The following HKDC1 variants were observed in gnomAD, a reference collection of about 807,000 sequenced individuals.
HKDC1 encodes the protein hexokinase domain containing 1.
In HKDC1, 66 loss-of-function variants were observed where a neutral mutation model predicts 96.6. That is an observed-to-expected ratio of 0.68 (90% confidence interval 0.56 to 0.84). The LOEUF (loss-of-function observed/expected upper bound fraction) is 0.84. Ranked by LOEUF, HKDC1 falls within the 40% of genes least tolerant of loss-of-function variation. HKDC1 has a pLI of 0.00. For synonymous variants in HKDC1, 466 were observed against 473.1 expected, an observed-to-expected ratio of 0.98 and a Z score of 0.20; for missense variants, 1,211 against 1,208.1, an observed-to-expected ratio of 1.00 and a Z score of -0.04.
chr10:69,246,970 G>T (rs1843550900), intron 8 of HKDC1, among the ~76,000 whole-genome samples: 1 of 152,234 alleles, frequency 6.6e-6, no homozygotes, highest in South Asian at 2.1e-4. Context: ...ATAGCACAGG[G>T]TGATTAAAAG....
chr10:69,259,948 A>G (rs1184943842), intron 15 of HKDC1, among the ~76,000 whole-genome samples: 1 of 152,218 alleles, frequency 6.6e-6, no homozygotes, highest in Non-Finnish European at 1.5e-5. Flanking sequence ...ATCATATCAC[A>G]TGCTAAAATT....
At position 69,232,939 on chromosome 10, in the gene HKDC1, G is replaced by A. The variant is rs531218517; in HGVS notation, c.375+27G>A. 25 of 1,611,948 alleles carry A rather than the reference G, an allele frequency of 1.6e-5. No individual in the cohort carries two copies. In the South Asian group the frequency reaches 2.2e-4, roughly 14 times the overall value. ...TACCTGGCAGGTGGCTCCTGTGACC[G>A]CAGGGAAGGCGGTGGCATCCGTGTG... On this transcript the variant is annotated intron_variant, in intron 3 of 17. Coordinates refer to ENST00000354624, the MANE Select transcript of HKDC1 (RefSeq NM_025130.4).
intron 10 of HKDC1, among the ~76,000 whole-genome samples, chr10:69,249,791 G>A (rs934079355): frequency 3.9e-5 from 6 of 152,162 alleles, no homozygotes; most frequent in Non-Finnish European, 7.4e-5. Flanking sequence ...GAGCCACCGC[G>A]CCAGACCGGA....
At chr10:69,226,249 C>G (rs181240805) in intron 1 of HKDC1, among the ~76,000 whole-genome samples, 1 of 152,188 alleles carries the variant, frequency 6.6e-6, no homozygotes, top group Admixed American at 6.5e-5. Flanking sequence ...CCTCTGTCCC[C>G]GTTTCCTGGT....
At chr10:69,228,931 G>A (rs1276306040) in intron 2 of HKDC1, among the ~76,000 whole-genome samples, 2 of 151,146 alleles carry the variant, frequency 1.3e-5, no homozygotes, top group African/African-American at 4.9e-5. Flanking sequence ...AGAAAGGAAA[G>A]AAAGAAGAAA....
At chr10:69,265,539 G>A (rs534503988) in intron 16 of HKDC1, 46 bp from the exon 17 acceptor site, 81 of 1,543,458 alleles carry the variant, frequency 5.2e-5, no homozygotes, top group East Asian at 1.6e-4. Context: ...GGCACATCCC[G>A]GGGTCCTGGG....
At position 69,267,145 on chromosome 10, in the gene HKDC1, AG is replaced by A. The variant is rs1843915922; in HGVS notation, c.*389del. The A allele has an allele frequency of 4.4e-6, 1 of 228,108 alleles. No individual in the cohort carries two copies. The highest frequency in any genetic ancestry group is 8.7e-6 in the Non-Finnish European group (1 of 115,140). The allele number at this position is 228,108 out of a possible 1,614,324, so 14.1% of individuals were successfully genotyped here. On this transcript the variant is annotated 3_prime_UTR_variant, in exon 18 of 18. Coordinates refer to ENST00000354624, the MANE Select transcript of HKDC1 (RefSeq NM_025130.4). ...GGCTGTTTCCCCATTGGGATGCTTA[AG>A]CCATCTCTTATAGGGGATTGGACCC... is the stretch of plus-strand genomic sequence containing the variant.
intron 1 of HKDC1, among the ~76,000 whole-genome samples, chr10:69,223,409 A>G (rs1843098569): frequency 6.6e-6 from 1 of 152,168 alleles, no homozygotes; most frequent in South Asian, 2.1e-4. Flanking sequence ...ACTTACTGTT[A>G]CAGTGTAACC....
rs5785904 is a variant in HKDC1, at chr10:69,242,429, GA to G, written c.692-732del. Among the ~76,000 whole-genome samples, 522 of 115,326 alleles carry G rather than the reference GA, an allele frequency of 4.5e-3. 3 individuals are homozygous for G. Among genetic ancestry groups the G allele is most frequent in the African/African-American group, 0.016 (492 of 31,088 alleles). 75.7% of individuals were successfully genotyped at this position (115,326 alleles called of 152,430 possible). ...GTATCAGCCAAGGGAAGATACTGAA[GA>G]AAAAAAAAAAAAAAAAAAAACCCGA... On this transcript the variant is annotated intron_variant, in intron 6 of 17. Transcript: ENST00000354624.
intron 1 of HKDC1, chr10:69,222,999 T>C (rs1288732294): frequency 6.6e-6 from 1 of 152,156 alleles, no homozygotes; most frequent in Admixed American, 6.5e-5. Context: ...GGGTTACTAC[T>C]GAGACCCTGG....
intron 1 of HKDC1, chr10:69,222,836 G>C (rs913334169): frequency 2.0e-5 from 3 of 152,194 alleles, no homozygotes; most frequent in Non-Finnish European, 4.4e-5. Flanking sequence ...GCTGAGTCAT[G>C]GTTCTGAGAA....
At chr10:69,242,350 T>C (rs1178996614) in intron 6 of HKDC1, among the ~76,000 whole-genome samples, 1 of 148,972 alleles carries the variant, frequency 6.7e-6, no homozygotes, top group Non-Finnish European at 1.5e-5. Context: ...TATTACATTC[T>C]GCTTTTCTAC....
At chr10:69,264,955 A>G (rs1264839249) in intron 16 of HKDC1, among the ~76,000 whole-genome samples, 1 of 151,970 alleles carries the variant, frequency 6.6e-6, no homozygotes, top group African/African-American at 2.4e-5. Flanking sequence ...TTACAGTCCT[A>G]TCAGGTTCCC....
intron 1 of HKDC1, among the ~76,000 whole-genome samples, chr10:69,224,547 T>C (rs1198123083): frequency 6.6e-6 from 1 of 152,194 alleles, no homozygotes; most frequent in Middle Eastern, 3.2e-3. Context: ...CCTCCCAAAG[T>C]GCTGGGATTA....
chr10:69,257,002 A>G, intron 12 of HKDC1, 34 bp from the exon 13 acceptor site: 2 of 1,537,684 alleles, frequency 1.3e-6, no homozygotes, highest in South Asian at 2.2e-5. Flanking sequence ...CTAGCAAACT[A>G]TTGCTCAAAT....
intron 4 of HKDC1, among the ~76,000 whole-genome samples, chr10:69,236,178 G>C (rs1044715118): frequency 6.8e-6 from 1 of 147,902 alleles, no homozygotes; most frequent in Non-Finnish European, 1.5e-5. Context: ...GTGTGATCTC[G>C]GCTCACCACA....
chr10:69,258,919 A>C lies in HKDC1; in HGVS notation c.2176A>C (p.Thr726Pro). Residue 726 changes from threonine to proline, a missense_variant, in exon 15 of 18, where the codon ACG (threonine) becomes CCG (proline). Thr to Pro is a conservative substitution (Grantham distance 38). Transcript: ENST00000354624. ...AGATGACATCTGGACCCGATACGAC[A>C]CGGAGGTGGATGAGGGGTCCTTGAA... ...CIDDIWTRYDTEVDEGSLNPG... is the reference protein window; with the variant it reads ...CIDDIWTRYDPEVDEGSLNPG... The C allele has an allele frequency of 6.2e-7, 1 of 1,600,710 alleles. No individual in the cohort carries two copies. The highest frequency in any genetic ancestry group is 8.5e-7 in the Non-Finnish European group (1 of 1,173,728).
intron 6 of HKDC1, among the ~76,000 whole-genome samples, chr10:69,242,149 G>A (rs1189153564): frequency 2.0e-5 from 3 of 152,086 alleles, no homozygotes; most frequent in Non-Finnish European, 2.9e-5. Context: ...CCTCAGCCTG[G>A]CTTTCCCAAA....
chr10:69,250,707 G>A, intron 12 of HKDC1, 55 bp downstream of exon 12: 1 of 1,599,456 alleles, frequency 6.3e-7, no homozygotes, highest in Non-Finnish European at 8.5e-7. Context: ...TTCCTCTTCT[G>A]GGACCATCTC....
Sources: allele counts gnomAD v4.1 joint callset (sites outside exome capture counted in the v4.1 genomes callset), GRCh38; gene constraint gnomAD v4.1.1; transcripts MANE v1.5; gene names NCBI Gene and HGNC (gene_info 2026-07-23, HGNC 2026-07-21).